Variants in FGFR2 observed in about 807,000 individuals in gnomAD.
FGFR2 encodes BEK fibroblast growth factor receptor.
FGFR2 carries 19 observed loss-of-function variants against 95.9 expected under a neutral mutation model. The ratio of observed to expected loss-of-function variants is 0.20; its 90% CI spans 0.14 to 0.29. FGFR2 has a LOEUF of 0.29. Ranked by LOEUF, FGFR2 falls within the 10% of genes least tolerant of loss-of-function variation. The pLI is 1.00. For missense variants in FGFR2, 707 were observed against 1,056.9 expected (o/e 0.67, Z 4.59); for synonymous variants, 392 against 393.3 (o/e 1.00, Z 0.04).
At chr10:121,548,893 T>C (rs931712145) in intron 5 of FGFR2, among the ~76,000 whole-genome samples, 1 of 152,140 alleles carries the variant, frequency 6.6e-6, no homozygotes, top group East Asian at 1.9e-4. Flanking sequence ...CTTTTTTTTT[T>C]CAAAAAGATT....
chr10:121,593,686 A>G (rs1481834113), intron 2 of FGFR2, 23 bp downstream of exon 2: 8 of 1,606,900 alleles, frequency 5.0e-6, no homozygotes, highest in South Asian at 1.1e-5. Flanking sequence ...AACAAACCTG[A>G]AAAGTGAAAT....
At chr10:121,501,181 T>G (rs913190647) in intron 10 of FGFR2, among the ~76,000 whole-genome samples, 1 of 152,222 alleles carries the variant, frequency 6.6e-6, no homozygotes. Flanking sequence ...TATTCTCGGT[T>G]TATTTTCTTT....
rs2133682887 is a variant in FGFR2, at chr10:121,479,957, G to C, written c.2366C>G (p.Ser789Cys). 1 of 1,614,176 alleles carries C rather than the reference G, an allele frequency of 6.2e-7. No homozygotes were observed. The highest frequency in any genetic ancestry group is 8.5e-7 in the Non-Finnish European group (1 of 1,180,040). ...YSPSYPDTRS[S>C]CSSGDDSVFS... is the part of the protein sequence containing the mutation. The stretch of plus-strand genomic sequence containing the variant: ...AACAGAATCATCTCCTGAAGAACAA[G>C]AACTTCTTGTGTCAGGGTAACTAGG... The change falls in exon 18 of 18, where the codon TCT becomes TGT. Residue 789 changes from serine (S) to cysteine (C), a missense_variant. Physicochemically the swap from Ser to Cys is moderately radical, Grantham distance 112. Coordinates refer to ENST00000358487, the MANE Select transcript of FGFR2 (RefSeq NM_000141.5).
rs776270949 is a variant in FGFR2, at chr10:121,483,844, T to A, written c.2196-41A>T. ...TTCCTTGAATTAATTTCATATGCAC[T>A]GGGTACGTGGTTATAGTCAGTTTTA... On this transcript the variant is annotated intron_variant, in intron 16 of 17. Transcript: ENST00000358487. 5 of 1,457,814 alleles carry A rather than the reference T, an allele frequency of 3.4e-6. No homozygotes were observed. In the African/African-American group the frequency reaches 5.6e-5, roughly 16 times the overall value. The allele number at this position is 1,457,814 out of a possible 1,614,324, so 90.3% of individuals were successfully genotyped here. A position where few individuals can be genotyped will look rare whatever the true frequency, so the allele number is the denominator to read the frequency against.
At chr10:121,554,909 C>T (rs557983001) in intron 4 of FGFR2, among the ~76,000 whole-genome samples, 6 of 152,230 alleles carry the variant, frequency 3.9e-5, no homozygotes, top group East Asian at 1.9e-4. Flanking sequence ...GCACTTAGAA[C>T]GGGCTCCTCT....
chr10:121,487,832 T>C (rs1003736812), intron 14 of FGFR2, among the ~76,000 whole-genome samples, 159 bp downstream of exon 14: 3 of 152,190 alleles, frequency 2.0e-5, no homozygotes, highest in African/African-American at 7.2e-5. Context: ...AATTTGCATA[T>C]TGAGAGTTTG....
intron 4 of FGFR2, among the ~76,000 whole-genome samples, chr10:121,554,772 G>A (rs573628655): frequency 6.6e-6 from 1 of 152,222 alleles, no homozygotes; most frequent in East Asian, 1.9e-4. Flanking sequence ...CTATAAGATA[G>A]CCCTACTGTG....
At chr10:121,487,295 C>T (rs1484810560) in intron 15 of FGFR2, 59 bp downstream of exon 15, 4 of 1,318,490 alleles carry the variant, frequency 3.0e-6, no homozygotes, top group Admixed American at 1.7e-5. Flanking sequence ...AGGTGAAGTA[C>T]GTACAGTATT....
Position 121,478,979 on chromosome 10 carries a change from C to T in FGFR2, c.*878G>A. On this transcript the variant is annotated 3_prime_UTR_variant, in exon 18 of 18. Transcript: ENST00000358487. ...GTTGCACACCAAAATGAAACACCTT[C>T]CTATGAATGAGTTCTTTTAATATGG... 1 of 233,502 alleles carries T rather than the reference C, an allele frequency of 4.3e-6. No homozygotes were observed. The highest frequency in any genetic ancestry group is 8.5e-6 in the Non-Finnish European group (1 of 117,932). The allele number at this position is 233,502 out of a possible 1,614,324, so 14.5% of individuals were successfully genotyped here.
intron 9 of FGFR2, among the ~76,000 whole-genome samples, chr10:121,514,094 C>A (rs374514385): frequency 1.3e-5 from 2 of 152,116 alleles, no homozygotes; most frequent in African/African-American, 4.8e-5. Flanking sequence ...GATGACTGAA[C>A]AAGAATCTCT....
chr10:121,552,276 G>T (rs1423287543), intron 4 of FGFR2, among the ~76,000 whole-genome samples: 1 of 152,132 alleles, frequency 6.6e-6, no homozygotes, highest in Non-Finnish European at 1.5e-5. Context: ...CTAAATAAAA[G>T]CCACAACATC....
At position 121,590,795 on chromosome 10, in the gene FGFR2, T is replaced by C. The variant is rs569056522; in HGVS notation, c.109+2914A>G. On this transcript the variant is annotated intron_variant, in intron 2 of 17. Coordinates refer to ENST00000358487, the MANE Select transcript of FGFR2 (RefSeq NM_000141.5). Reference sequence around the variant, plus strand: ...TTCTTCCTGGAACTTCTCAGTCACATTTTTCTCCTATCCAATAGACATTAT... The same window carrying C: ...TTCTTCCTGGAACTTCTCAGTCACACTTTTCTCCTATCCAATAGACATTAT... Among the ~76,000 whole-genome samples, 11 of 152,314 alleles carry C rather than the reference T, an allele frequency of 7.2e-5. No individual in the cohort carries two copies. The East Asian group carries it at 1.4e-3, about 19-fold the overall frequency.
chr10:121,486,410 ACTC>A (rs761424000), intron 15 of FGFR2, among the ~76,000 whole-genome samples: 3 of 151,946 alleles, frequency 2.0e-5, no homozygotes, highest in Admixed American at 6.6e-5. Context: ...CCTACCCAGA[ACTC>A]CTCCTGCTCA....
chr10:121,542,801 A>G (rs1853958427), intron 5 of FGFR2, among the ~76,000 whole-genome samples: 1 of 152,136 alleles, frequency 6.6e-6, no homozygotes, highest in Non-Finnish European at 1.5e-5. Context: ...TGTTACCTTC[A>G]TTCCCCCAAA....
chr10:121,479,192 T>C lies in FGFR2; in HGVS notation c.*665A>G. 1 of 232,984 alleles carries C rather than the reference T, an allele frequency of 4.3e-6. No homozygotes were observed. The highest frequency in any genetic ancestry group is 8.5e-6 in the Non-Finnish European group (1 of 117,742). The allele number at this position is 232,984 out of a possible 1,614,324, so 14.4% of individuals were successfully genotyped here. On this transcript the variant is annotated 3_prime_UTR_variant, in exon 18 of 18. Coordinates refer to ENST00000358487, the MANE Select transcript of FGFR2 (RefSeq NM_000141.5). ...TGCCTGCATAGAAATGCCACTTAAA[T>C]TACAAAAAAAACTATAAATGATTAA...
chr10:121,581,497 GGGAGGCCAAGGT>G (rs1341201694), intron 2 of FGFR2, among the ~76,000 whole-genome samples: 1 of 57,068 alleles, frequency 1.8e-5, no homozygotes, highest in Non-Finnish European at 6.6e-5. Flanking sequence ...CCAGCACTCT[GGGAGGCCAAGGT>G]GGGAGGATCG....
intron 2 of FGFR2, among the ~76,000 whole-genome samples, chr10:121,586,954 A>G (rs1190305215): frequency 3.9e-5 from 6 of 152,162 alleles, no homozygotes; most frequent in African/African-American, 1.4e-4. Flanking sequence ...CCTAAGCAAA[A>G]ATAACAAAGC....
intron 13 of FGFR2, among the ~76,000 whole-genome samples, chr10:121,490,627 G>A (rs745942431): frequency 4.6e-5 from 7 of 152,028 alleles, no homozygotes; most frequent in African/African-American, 7.2e-5. Flanking sequence ...TATCACCACC[G>A]AAGCCTTTTA....
rs35537265 is a variant in FGFR2 at position 121,497,130 on chromosome 10, C to CAA, written c.1673-410_1673-409dup. ...TAGGCAACAGAGCGAGACTTTGTCT[C>CAA]AAAAAAAAAAAAAAAAAAAGAAGAA... On this transcript the variant is annotated intron_variant, in intron 12 of 17. Coordinates refer to ENST00000358487, the MANE Select transcript of FGFR2 (RefSeq NM_000141.5). Among the ~76,000 whole-genome samples, 337 of 91,130 alleles carry CAA rather than the reference C, an allele frequency of 3.7e-3. 3 individuals carry two copies. The highest frequency in any genetic ancestry group is 0.011 in the African/African-American group (284 of 26,260). The allele number at this position is 91,130 out of a possible 152,430, so 59.8% of individuals were successfully genotyped here.
Sources: allele counts gnomAD v4.1 joint callset (sites outside exome capture counted in the v4.1 genomes callset), GRCh38; gene constraint gnomAD v4.1.1; transcripts MANE v1.5; gene names NCBI Gene and HGNC (gene_info 2026-07-23, HGNC 2026-07-21).